QSOX2: variants seen among roughly 807,000 people sequenced by gnomAD.
The protein encoded by QSOX2 is sulfhydryl oxidase 2.
A neutral mutation model predicts 61.7 loss-of-function variants in QSOX2; 46 were observed. The ratio of observed to expected loss-of-function variants is 0.75; its 90% CI spans 0.59 to 0.95. The LOEUF (loss-of-function observed/expected upper bound fraction) is 0.95, where lower values mean the gene tolerates loss of function less well. Among genes scored for constraint, QSOX2 ranks in the 40% least tolerant of loss-of-function variants. The pLI is 0.00. For missense variants in QSOX2, 879 were observed against 918.9 expected (o/e 0.96, Z 0.56); for synonymous variants, 383 against 388.4 (o/e 0.99, Z 0.16).
intron 2 of QSOX2, among the ~76,000 whole-genome samples, chr9:136,225,351 T>C (rs929416306): frequency 6.6e-6 from 1 of 152,184 alleles, no homozygotes; most frequent in African/African-American, 2.4e-5. Flanking sequence ...TTAAAAACTT[T>C]CTTCATCAAA....
chr9:136,233,684 G>A lies in QSOX2; in HGVS notation c.329-6810C>T, dbSNP rs149991404. Among the ~76,000 whole-genome samples the A allele has an allele frequency of 3.7e-4, 57 of 152,310 alleles. No individual in the cohort carries two copies. In the South Asian group the frequency reaches 8.5e-3, roughly 23 times the overall value. On this transcript the variant is annotated intron_variant, in intron 1 of 11. Coordinates refer to ENST00000358701, the MANE Select transcript of QSOX2 (RefSeq NM_181701.4). ...GTCGTGGATGTGGTCAAAAGGGAGG[G>A]GAGAAGGGTTCCATGAGACGAATCG... is the stretch of plus-strand genomic sequence containing the variant.
intron 10 of QSOX2, among the ~76,000 whole-genome samples, chr9:136,213,663 C>G (rs573804408): frequency 1.1e-3 from 162 of 151,770 alleles, no homozygotes; most frequent in African/African-American, 3.8e-3. Flanking sequence ...CATCCCGGGA[C>G]ACTCTCCCAT....
At chr9:136,219,679 C>T (rs917941230) in intron 6 of QSOX2, among the ~76,000 whole-genome samples, 3 of 152,154 alleles carry the variant, frequency 2.0e-5, no homozygotes, top group African/African-American at 7.2e-5. Context: ...GCTGTGTGGA[C>T]AGGGTGGAGC....
At chr9:136,218,174 C>T (rs546099679) in intron 8 of QSOX2, among the ~76,000 whole-genome samples, 3 of 152,208 alleles carry the variant, frequency 2.0e-5, no homozygotes, top group Non-Finnish European at 4.4e-5. Context: ...CCGCTCCTGG[C>T]GACCCCCTCA....
At chr9:136,215,675 C>T (rs968491930) in intron 9 of QSOX2, among the ~76,000 whole-genome samples, 1 of 152,202 alleles carries the variant, frequency 6.6e-6, no homozygotes, top group African/African-American at 2.4e-5. Context: ...AAAAGCTCAA[C>T]TGTCAAATAA....
chr9:136,235,799 C>T (rs1215033369), intron 1 of QSOX2, among the ~76,000 whole-genome samples: 2 of 152,192 alleles, frequency 1.3e-5, no homozygotes, highest in Non-Finnish European at 1.5e-5. Context: ...AAGGCTGAGC[C>T]GTCTCTTCTC....
chr9:136,226,735 A>C (rs1437471197), intron 2 of QSOX2, 39 bp downstream of exon 2: 3 of 1,505,482 alleles, frequency 2.0e-6, no homozygotes, highest in Non-Finnish European at 2.8e-6. Context: ...GTGGGGTAGA[A>C]GGTGAATTTC....
Position 136,219,026 on chromosome 9 carries a change from T to C in QSOX2, c.956+4A>G. ...GGGGGCTTCAGTTCAAGAGGAACAC[T>C]TGCTTGTCAAATTCTCTCCAAACCA... On this transcript the variant is annotated splice_donor_region_variant and intron_variant, in intron 7 of 11. Transcript: ENST00000358701. The C allele has an allele frequency of 6.2e-7, 1 of 1,614,048 alleles. No individual in the cohort carries two copies. Among genetic ancestry groups the C allele is most frequent in the Middle Eastern group, 1.6e-4 (1 of 6,062 alleles).
Position 136,211,459 on chromosome 9 carries a change from G to A in QSOX2, c.1361-7C>T, listed in dbSNP as rs1402872442. 2.5e-6 allele frequency: 4 copies of A among 1,612,094 alleles called. No homozygotes were observed. Among genetic ancestry groups the A allele is most frequent in the Non-Finnish European group, 3.4e-6 (4 of 1,178,452 alleles). On this transcript the variant is annotated splice_region_variant and splice_polypyrimidine_tract_variant and intron_variant, in intron 10 of 11. Coordinates refer to ENST00000358701, the MANE Select transcript of QSOX2 (RefSeq NM_181701.4). Reference sequence around the variant, plus strand: ...TGGGGGTCGTCTTCAAAGCCTGCAGGGGAAGAAACACTGCTGACAACGGCA... The same window carrying A: ...TGGGGGTCGTCTTCAAAGCCTGCAGAGGAAGAAACACTGCTGACAACGGCA...
chr9:136,244,980 CA>C (rs1439507796), intron 1 of QSOX2, among the ~76,000 whole-genome samples: 1 of 152,054 alleles, frequency 6.6e-6, no homozygotes, highest in Non-Finnish European at 1.5e-5. Context: ...GATGAAGGTT[CA>C]AAGGGAATGG....
At position 136,223,803 on chromosome 9, in the gene QSOX2, G is replaced by C. The variant is rs1244079700; in HGVS notation, c.635C>G (p.Ala212Gly). 1 of 1,613,912 alleles carries C rather than the reference G, an allele frequency of 6.2e-7. No individual in the cohort carries two copies. ...LLDNRGSHYV[A>G]IVFESNSSYL... is the part of the protein sequence containing the mutation. ...GGAGCTGTTGCTTTCAAAGACAATA[G>C]CCACGTAATGGCTGCCACGGTTGTC... The change falls in exon 5 of 12, where the codon GCT becomes GGT. Residue 212 changes from alanine to glycine, a missense_variant. Physicochemically the swap from Ala to Gly is moderately conservative, Grantham distance 60 (BLOSUM62 0). Transcript: ENST00000358701. The surrounding 1 kb of genome is among the most constrained non-coding windows in gnomAD (Gnocchi z 4.4).
At chr9:136,233,117 G>C (rs952728770) in intron 1 of QSOX2, among the ~76,000 whole-genome samples, 3 of 152,024 alleles carry the variant, frequency 2.0e-5, no homozygotes, top group African/African-American at 7.2e-5. Context: ...ACACGCTGCC[G>C]GGTGTATCAG....
Position 136,221,984 on chromosome 9 carries a change from G to C in QSOX2, c.676-43C>G. On this transcript the variant is annotated intron_variant, in intron 5 of 11. Coordinates refer to ENST00000358701, the MANE Select transcript of QSOX2 (RefSeq NM_181701.4). This position sits in a 1 kb window ranked among gnomAD's most constrained non-coding sequence, Gnocchi z 4.5. ...AATGACACTTCCACAGGGGCTGGCA[G>C]TTTCTCAGAAAACACGACGTGCAGA... 1.3e-6 allele frequency: 2 copies of C among 1,509,014 alleles called. No individual in the cohort carries two copies. Among genetic ancestry groups the C allele is most frequent in the Non-Finnish European group, 1.8e-6 (2 of 1,124,848 alleles). 93.5% of individuals were successfully genotyped at this position (1,509,014 alleles called of 1,614,324 possible).
intron 8 of QSOX2, among the ~76,000 whole-genome samples, 192 bp downstream of exon 8, chr9:136,218,487 G>A (rs948773408): frequency 5.3e-5 from 8 of 152,266 alleles, no homozygotes; most frequent in Non-Finnish European, 1.0e-4. Context: ...CCCAGTGCTG[G>A]GAACAGCAGT....
intron 1 of QSOX2, among the ~76,000 whole-genome samples, chr9:136,244,135 AT>A (rs1422930756): frequency 6.6e-6 from 1 of 152,180 alleles, no homozygotes; most frequent in Non-Finnish European, 1.5e-5. Context: ...TAATGAACAT[AT>A]CTGTTTCTGC....
chr9:136,245,282 G>A (rs1554758346), intron 1 of QSOX2, among the ~76,000 whole-genome samples, 194 bp downstream of exon 1: 1 of 152,188 alleles, frequency 6.6e-6, no homozygotes, highest in Admixed American at 6.5e-5. Context: ...GGAGCAGCTG[G>A]CTTAGTCTCC....
At chr9:136,220,676 C>A (rs1588635351) in intron 6 of QSOX2, among the ~76,000 whole-genome samples, 1 of 152,306 alleles carries the variant, frequency 6.6e-6, no homozygotes, top group East Asian at 1.9e-4. Flanking sequence ...CCTCCAGCCT[C>A]AGGACGTTAC....
intron 1 of QSOX2, among the ~76,000 whole-genome samples, chr9:136,229,704 G>A (rs1166982314): frequency 6.6e-6 from 1 of 152,150 alleles, no homozygotes; most frequent in Non-Finnish European, 1.5e-5. Context: ...TTCACGGTGG[G>A]ATCTGGTCCC....
Position 136,208,897 on chromosome 9 carries a change from T to C in QSOX2, c.1928A>G (p.Lys643Arg), listed in dbSNP as rs752851265. Residue 643 changes from lysine to arginine, a missense_variant, in exon 12 of 12, where the codon AAG becomes AGG. By Grantham distance (26) the Lys-to-Arg change is conservative. Coordinates refer to ENST00000358701, the MANE Select transcript of QSOX2 (RefSeq NM_181701.4). ...GAAGGGTGCGGCCCCGCCCACCTCC[T>C]TGTGGGCCCCGGGCCCATCCAGACT... ...LQSLDGPGAH[K>R]EVGGAAPFLG... 12 of 1,613,944 alleles carry C rather than the reference T, an allele frequency of 7.4e-6. No homozygotes were observed. Among genetic ancestry groups the C allele is most frequent in the East Asian group, 6.7e-5 (3 of 44,872 alleles).
Sources: allele counts gnomAD v4.1 joint callset (sites outside exome capture counted in the v4.1 genomes callset), GRCh38; gene constraint gnomAD v4.1.1; non-coding constraint Gnocchi (gnomAD v3.1); transcripts MANE v1.5; gene names NCBI Gene and HGNC (gene_info 2026-07-23, HGNC 2026-07-21).